APAF1: variants seen among roughly 807,000 people sequenced by gnomAD.
APAF1 encodes the protein apoptotic peptidase activating factor 1.
In APAF1, 91 loss-of-function variants were observed where a neutral mutation model predicts 152.4. The ratio of observed to expected loss-of-function variants is 0.60; its 90% CI spans 0.50 to 0.71. The LOEUF (loss-of-function observed/expected upper bound fraction) is 0.71, where lower values mean the gene tolerates loss of function less well. APAF1 is among the 30% of genes least tolerant of loss of function. The pLI, the probability that APAF1 is intolerant of heterozygous loss-of-function variation, is 0.00. For missense variants in APAF1, 1,283 were observed against 1,472.0 expected (o/e 0.87, Z 2.10); for synonymous variants, 484 against 494.1 (o/e 0.98, Z 0.27).
At chr12:98,692,830 G>A (rs1474890140) in intron 16 of APAF1, among the ~76,000 whole-genome samples, 1 of 152,086 alleles carries the variant, frequency 6.6e-6, no homozygotes, top group African/African-American at 2.4e-5. Flanking sequence ...TTGCTGTTAC[G>A]AATAGTGCTG....
Position 98,715,571 on chromosome 12 carries a change from T to C in APAF1, c.3084+19T>C. ...AATTCAGGTGAGAGGGAGGATGAACTCTTAACATATTTAATGCTGATTCTA... is the reference window on the plus strand; with the variant it reads ...AATTCAGGTGAGAGGGAGGATGAACCCTTAACATATTTAATGCTGATTCTA... On this transcript the variant is annotated intron_variant, in intron 22 of 26. Coordinates refer to ENST00000551964, the MANE Select transcript of APAF1 (RefSeq NM_181861.2). The C allele has an allele frequency of 6.2e-7, 1 of 1,612,780 alleles. No individual in the cohort carries two copies. The highest frequency in any genetic ancestry group is 1.1e-5 in the South Asian group (1 of 91,074).
At chr12:98,662,005 T>C (rs937392414) in intron 5 of APAF1, among the ~76,000 whole-genome samples, 5 of 152,118 alleles carry the variant, frequency 3.3e-5, no homozygotes, top group African/African-American at 1.2e-4. Flanking sequence ...ACATATGAAA[T>C]TGCTAGTTTT....
Position 98,662,762 on chromosome 12 carries a change from C to T in APAF1, c.911C>T (p.Ala304Val), listed in dbSNP as rs189237320. Reference protein sequence around the residue: ...ILSLFVNMKKADLPEQAHSII... With the variant: ...ILSLFVNMKKVDLPEQAHSII... ...TCCCTTTTTGTTAATATGAAGAAGG[C>T]AGATTTGCCAGAACAAGCTCATAGT... The change falls in exon 7 of 27, where the codon GCA (alanine) becomes GTA (valine). Residue 304 changes from alanine (A) to valine (V), a missense_variant. Coordinates refer to ENST00000551964, the MANE Select transcript of APAF1 (RefSeq NM_181861.2). The T allele has an allele frequency of 6.8e-6, 11 of 1,611,438 alleles. No individual in the cohort carries two copies. In the African/African-American group the frequency reaches 8.0e-5, roughly 12 times the overall value.
chr12:98,689,095 G>T (rs984827912), intron 16 of APAF1, among the ~76,000 whole-genome samples: 1 of 152,124 alleles, frequency 6.6e-6, no homozygotes, highest in Admixed American at 6.5e-5. Context: ...GATTATAGGA[G>T]TGAGCCACTG....
chr12:98,691,732 G>A (rs906849053), intron 16 of APAF1, among the ~76,000 whole-genome samples: 1 of 151,200 alleles, frequency 6.6e-6, no homozygotes, highest in African/African-American at 2.4e-5. Context: ...GTTTTTTTGT[G>A]TTTTTTTTGA....
intron 20 of APAF1, among the ~76,000 whole-genome samples, chr12:98,711,782 A>G (rs1356400651): frequency 6.6e-6 from 1 of 152,046 alleles, no homozygotes; most frequent in East Asian, 1.9e-4. Context: ...CCAGCTACAC[A>G]AATTATGCTT....
intron 12 of APAF1, among the ~76,000 whole-genome samples, chr12:98,674,673 A>G: frequency 6.6e-6 from 1 of 152,190 alleles, no homozygotes; most frequent in African/African-American, 2.4e-5. Flanking sequence ...TTTGAATCCC[A>G]GCTCTGCTAT....
At position 98,680,345 on chromosome 12, in the gene APAF1, T is replaced by A. The variant is rs751106475; in HGVS notation, c.1989T>A (p.Cys663Ter). ...IKAHEDEVLC[C>*]AFSTDDRFIA... Reference sequence around the variant, plus strand: ...CTCATGAGGATGAAGTGCTTTGTTGTGCATTCTCTACAGATGACAGATTTA... The same window carrying A: ...CTCATGAGGATGAAGTGCTTTGTTGAGCATTCTCTACAGATGACAGATTTA... Residue 663 changes from cysteine (C) to a stop codon, truncating the protein, a stop_gained, in exon 14 of 27, where the codon TGT becomes TGA. Transcript: ENST00000551964. LOFTEE classifies it high-confidence loss of function. 6.2e-7 allele frequency: 1 copy of A among 1,613,818 alleles called. No individual in the cohort carries two copies.
chr12:98,673,452 A>AC (rs1409608999), intron 12 of APAF1, among the ~76,000 whole-genome samples: 7 of 152,070 alleles, frequency 4.6e-5, no homozygotes, highest in East Asian at 3.9e-4. Flanking sequence ...CAAAAAAAAA[A>AC]AAAACAAAAA....
intron 15 of APAF1, 136 bp downstream of exon 15, chr12:98,683,410 GC>G: frequency 1.1e-6 from 1 of 894,236 alleles, no homozygotes; most frequent in South Asian, 1.5e-5. Context: ...ATTAGCTGAA[GC>G]AAAAAAAAAA....
At position 98,735,362 on chromosome 12, in the gene APAF1, G is replaced by A; in HGVS notation, c.*2796G>A. Reference sequence around the variant, plus strand: ...ATAGCTTATATGATTTTTTTGCCTTGGTATACATTTTAAAATATGAATTTA... The same window carrying A: ...ATAGCTTATATGATTTTTTTGCCTTAGTATACATTTTAAAATATGAATTTA... On this transcript the variant is annotated 3_prime_UTR_variant, in exon 27 of 27. Transcript: ENST00000551964. 1 of 426,484 alleles carries A rather than the reference G, an allele frequency of 2.3e-6. No individual in the cohort carries two copies. The highest frequency in any genetic ancestry group is 4.2e-6 in the Non-Finnish European group (1 of 240,586). 26.4% of individuals were successfully genotyped at this position (426,484 alleles called of 1,614,324 possible). A position where few individuals can be genotyped will look rare whatever the true frequency, so the allele number is the denominator to read the frequency against.
chr12:98,721,374 C>G (rs762317028), intron 22 of APAF1, among the ~76,000 whole-genome samples: 9 of 152,176 alleles, frequency 5.9e-5, no homozygotes, highest in Non-Finnish European at 1.3e-4. Context: ...TCAGGCAAAG[C>G]TAGAATAGGC....
intron 24 of APAF1, 104 bp downstream of exon 24, chr12:98,723,868 CTG>C (rs2097746691): frequency 8.2e-7 from 1 of 1,222,118 alleles, no homozygotes; most frequent in Non-Finnish European, 1.2e-6. Flanking sequence ...CTCTACATGT[CTG>C]TTTCATATTT....
At chr12:98,688,678 A>G (rs530872659) in intron 16 of APAF1, among the ~76,000 whole-genome samples, 2 of 137,476 alleles carry the variant, frequency 1.5e-5, no homozygotes, top group African/African-American at 2.7e-5. Context: ...GGATCTTACT[A>G]TGTTGCCCAT....
At position 98,666,421 on chromosome 12, in the gene APAF1, A is replaced by C. The variant is rs940571608; in HGVS notation, c.1362+64A>C. 8.6e-5 allele frequency: 129 copies of C among 1,496,504 alleles called. No homozygotes were observed. In the East Asian group the frequency reaches 2.9e-3, roughly 33 times the overall value. 92.7% of individuals were successfully genotyped at this position (1,496,504 alleles called of 1,614,324 possible). On this transcript the variant is annotated intron_variant, in intron 9 of 26. Transcript: ENST00000551964. ...CTTTGAAATAATTTTAGATTTATTG[A>C]AAATTTACAAAATAGTAGATAGTTT... is the stretch of plus-strand genomic sequence containing the variant.
At chr12:98,662,380 C>A in intron 5 of APAF1, 76 bp from the exon 6 acceptor site, 2 of 1,100,076 alleles carry the variant, frequency 1.8e-6, no homozygotes, top group South Asian at 1.3e-5. Flanking sequence ...TTTTAAAAGA[C>A]ACTGGTGGGA....
intron 22 of APAF1, 121 bp downstream of exon 22, chr12:98,715,673 T>C (rs530149685): frequency 1.7e-6 from 2 of 1,154,684 alleles, no homozygotes; most frequent in South Asian, 1.2e-5. Context: ...ATTCAGATTA[T>C]GTACATGGGC....
chr12:98,703,345 A>G (rs1704192611), intron 17 of APAF1, 26 bp from the exon 18 acceptor site: 1 of 1,613,102 alleles, frequency 6.2e-7, no homozygotes, highest in Non-Finnish European at 8.5e-7. Flanking sequence ...TTTTACCTTC[A>G]TAGGTATCTC....
chr12:98,718,350 A>G (rs1275224260), intron 22 of APAF1, among the ~76,000 whole-genome samples: 1 of 151,906 alleles, frequency 6.6e-6, no homozygotes, highest in African/African-American at 2.4e-5. Context: ...CTTCTGCTTC[A>G]GCCTCCTGAG....
Sources: allele counts gnomAD v4.1 joint callset (sites outside exome capture counted in the v4.1 genomes callset), GRCh38; gene constraint gnomAD v4.1.1; transcripts MANE v1.5; gene names NCBI Gene and HGNC (gene_info 2026-07-23, HGNC 2026-07-21).